The following FGF14 variants were observed in gnomAD, a reference collection of about 807,000 sequenced individuals.
FGF14 encodes fibroblast growth factor 14.
In FGF14, 5 loss-of-function variants were observed where a neutral mutation model predicts 25.5. The observed-to-expected ratio is 0.20, with a 90% CI of 0.10 to 0.41. FGF14 has a LOEUF of 0.41. Among genes scored for constraint, FGF14 ranks in the 10% least tolerant of loss-of-function variants. The pLI is 1.00. For missense variants in FGF14, 222 were observed against 320.1 expected, an observed-to-expected ratio of 0.69 and a Z score of 2.34; for synonymous variants, 138 against 118.3, an observed-to-expected ratio of 1.17 and a Z score of -1.08.
At position 101,916,544 on chromosome 13, in the gene FGF14, G is replaced by C. The variant is rs1000807954; in HGVS notation, c.102C>G (p.Ser34Arg). The change falls in exon 1 of 5, where the codon AGC (serine) becomes AGG (arginine). Residue 34 changes from serine to arginine, a missense_variant. By Grantham distance (110) the Ser-to-Arg change is moderately radical. Around this residue, in one of 5 missense-constraint regions of FGF14, gnomAD observed 80 missense variants for 72.2 expected, o/e 1.11. Transcript: ENST00000376143. Reference protein sequence around the residue: ...PSASRRRSSPSKNRGLCNGNL... With the variant: ...PSASRRRSSPRKNRGLCNGNL... ...TGCCGTTGCAGAGCCCGCGGTTCTT[G>C]CTGGGGCTGCTCCGCCTCCTGCTGG... 6.2e-7 allele frequency: 1 copy of C among 1,613,520 alleles called. No individual in the cohort carries two copies. Among genetic ancestry groups the C allele is most frequent in the East Asian group, 2.2e-5 (1 of 44,834 alleles).
intron 1 of FGF14, among the ~76,000 whole-genome samples, chr13:101,927,233 G>C (rs1345885171): frequency 6.6e-6 from 1 of 152,148 alleles, no homozygotes; most frequent in African/African-American, 2.4e-5. Flanking sequence ...GCACTTGACA[G>C]GTTTTGTTTT....
chr13:102,334,397 G>T (rs866988054), intron 1 of FGF14, among the ~76,000 whole-genome samples: 4 of 152,122 alleles, frequency 2.6e-5, no homozygotes, highest in Non-Finnish European at 5.9e-5. Context: ...TGATGGTTTG[G>T]TAGTGCACCT....
intron 1 of FGF14, among the ~76,000 whole-genome samples, chr13:102,119,149 CTA>C (rs1351720854): frequency 6.6e-6 from 1 of 152,188 alleles, no homozygotes; most frequent in East Asian, 1.9e-4. Context: ...ACAGCATCAT[CTA>C]TGAGGTATCC....
At chr13:101,783,179 T>C (rs2039611610) in intron 3 of FGF14, among the ~76,000 whole-genome samples, 1 of 152,124 alleles carries the variant, frequency 6.6e-6, no homozygotes, top group African/African-American at 2.4e-5. Flanking sequence ...TGCCTTCTTT[T>C]TAAAAGTGTT....
intron 1 of FGF14, among the ~76,000 whole-genome samples, chr13:102,145,173 T>G (rs556635761): frequency 6.6e-6 from 1 of 152,172 alleles, no homozygotes; most frequent in African/African-American, 2.4e-5. Flanking sequence ...TTGGAGGAGG[T>G]TGAGCCCTCC....
intron 1 of FGF14, among the ~76,000 whole-genome samples, chr13:101,930,739 A>C (rs2034699426): frequency 1.3e-5 from 2 of 152,208 alleles, no homozygotes; most frequent in African/African-American, 4.8e-5. Flanking sequence ...TAATACTGCT[A>C]ATCCCTCTAG....
At chr13:101,756,687 C>G (rs1017493614) in intron 3 of FGF14, among the ~76,000 whole-genome samples, 1 of 152,120 alleles carries the variant, frequency 6.6e-6, no homozygotes, top group African/African-American at 2.4e-5. Context: ...GAGCTGAGAT[C>G]GTGCCACTGC....
chr13:102,078,527 T>C (rs2043469666), intron 1 of FGF14, among the ~76,000 whole-genome samples: 1 of 152,194 alleles, frequency 6.6e-6, no homozygotes, highest in African/African-American at 2.4e-5. Context: ...GTGCAATCTG[T>C]ATCGTAATGC....
At chr13:102,331,040 G>A (rs1332171399) in intron 1 of FGF14, among the ~76,000 whole-genome samples, 2 of 152,176 alleles carry the variant, frequency 1.3e-5, no homozygotes, top group Non-Finnish European at 2.9e-5. Flanking sequence ...CAACTTTGGT[G>A]CTTGGACGTG....
At chr13:101,906,185 C>G (rs1333221529) in intron 1 of FGF14, among the ~76,000 whole-genome samples, 1 of 152,104 alleles carries the variant, frequency 6.6e-6, no homozygotes, top group Non-Finnish European at 1.5e-5. Context: ...TCTTCTCTAC[C>G]CCAAGTTTGG....
intron 3 of FGF14, chr13:101,802,115 C>A: frequency 3.9e-6 from 1 of 253,746 alleles, no homozygotes; most frequent in South Asian, 4.8e-5. Context: ...CGATTATGAC[C>A]AGCTCAGGGA....
At position 101,719,657 on chromosome 13, in the gene FGF14, C is replaced by G. The variant is rs1376062915; in HGVS notation, c.*3174G>C. The G allele has an allele frequency of 6.6e-6, 1 of 152,048 alleles. No homozygotes were observed. Among genetic ancestry groups the G allele is most frequent in the Non-Finnish European group, 1.5e-5 (1 of 68,000 alleles). 9.4% of individuals were successfully genotyped at this position (152,048 alleles called of 1,614,324 possible). Reference sequence around the variant, plus strand: ...GAGGGACTGGCAAAGCAATCAGCTACTATAACAAATCAGTAGAAATAACCC... The same window carrying G: ...GAGGGACTGGCAAAGCAATCAGCTAGTATAACAAATCAGTAGAAATAACCC... On this transcript the variant is annotated 3_prime_UTR_variant, in exon 5 of 5. Coordinates refer to ENST00000376143, the MANE Select transcript of FGF14 (RefSeq NM_004115.4).
At chr13:101,999,553 A>T (rs1169586212) in intron 1 of FGF14, among the ~76,000 whole-genome samples, 1 of 152,114 alleles carries the variant, frequency 6.6e-6, no homozygotes, top group African/African-American at 2.4e-5. Flanking sequence ...CTGCTTCGGA[A>T]ATGGGACAAT....
At chr13:102,335,251 C>T (rs1437474806) in intron 1 of FGF14, among the ~76,000 whole-genome samples, 1 of 152,124 alleles carries the variant, frequency 6.6e-6, no homozygotes, top group Admixed American at 6.5e-5. Flanking sequence ...ACAAACATGC[C>T]ACACTAGCCT....
At chr13:101,946,637 G>GC in intron 1 of FGF14, among the ~76,000 whole-genome samples, 1 of 152,262 alleles carries the variant, frequency 6.6e-6, no homozygotes, top group South Asian at 2.1e-4. Context: ...AATGACTACA[G>GC]CAACTTCTGG....
rs546896125 is a variant in FGF14, at chr13:102,284,673, C to T, written c.208+116798G>A. On this transcript the variant is annotated intron_variant, in intron 1 of 4. Coordinates refer to the FGF14 transcript ENST00000376131. ...ACAAGTACAGAAAGCCATCTGAGTT[C>T]GACAGTCAGCTATAAAATAATAGAA... 7.2e-5 allele frequency among the ~76,000 whole-genome samples: 11 copies of T among 151,922 alleles called. 1 individual carries two copies. The highest frequency in any genetic ancestry group is 1.9e-4 in the East Asian group (1 of 5,182).
chr13:101,867,659 C>T (rs556223537), intron 3 of FGF14, among the ~76,000 whole-genome samples: 1 of 152,200 alleles, frequency 6.6e-6, no homozygotes, highest in South Asian at 2.1e-4. Context: ...TGGCAACATG[C>T]TGCATATTCG....
rs746953655 is a variant in FGF14, at chr13:101,715,564, G to A, written c.*7267C>T. On this transcript the variant is annotated 3_prime_UTR_variant, in exon 5 of 5. Transcript: ENST00000376143. Reference sequence around the variant, plus strand: ...ATACCTATATGTATTTTATTGCAGGGAATGGAATATGTAGCTGTGGAAACT... The same window carrying A: ...ATACCTATATGTATTTTATTGCAGGAAATGGAATATGTAGCTGTGGAAACT... The A allele has an allele frequency of 4.4e-6, 7 of 1,606,646 alleles. No homozygotes were observed. In the African/African-American group the frequency reaches 9.4e-5, roughly 21 times the overall value.
At chr13:102,386,186 G>C (rs975564483) in intron 1 of FGF14, among the ~76,000 whole-genome samples, 1 of 147,088 alleles carries the variant, frequency 6.8e-6, no homozygotes, top group Non-Finnish European at 1.5e-5. Context: ...AGGCTGGAGT[G>C]CAGTGGAGCA....
Sources: gnomAD v4.1 joint callset for allele counts (sites outside exome capture counted in the v4.1 genomes callset) on GRCh38, gnomAD v4.1.1 for gene constraint, gnomAD v4.1.1 regional missense constraint, MANE v1.5 for transcripts, NCBI Gene and HGNC (gene_info 2026-07-23, HGNC 2026-07-21) for gene names.